The following RBFOX1 variants were observed in gnomAD, a reference collection of about 807,000 sequenced individuals.
RBFOX1 encodes the protein RNA binding fox-1 homolog 1.
A neutral mutation model predicts 57.7 loss-of-function variants in RBFOX1; 8 were observed. The observed-to-expected ratio is 0.14, with a 90% CI of 0.08 to 0.25. The LOEUF (loss-of-function observed/expected upper bound fraction) is 0.25. RBFOX1 is among the 10% of genes least tolerant of loss of function. The pLI is 1.00. For missense variants in RBFOX1, 611 were observed against 548.5 expected (o/e 1.11, Z -1.14); for synonymous variants, 326 against 222.4 (o/e 1.47, Z -4.15).
At chr16:5,889,426 C>T (rs2057989968) in intron 4 of RBFOX1, among the ~76,000 whole-genome samples, 1 of 152,174 alleles carries the variant, frequency 6.6e-6, no homozygotes, top group Non-Finnish European at 1.5e-5. Context: ...CATAGTATTC[C>T]ATGTGTCTGT....
At chr16:7,650,877 C>G (rs988942266) in intron 11 of RBFOX1, among the ~76,000 whole-genome samples, 18 of 152,154 alleles carry the variant, frequency 1.2e-4, no homozygotes, top group Non-Finnish European at 2.2e-4. Context: ...CTCCCCAGTC[C>G]TGAAGCAAGC....
At chr16:7,531,785 T>G (rs1456066692) in intron 5 of RBFOX1, among the ~76,000 whole-genome samples, 2 of 152,234 alleles carry the variant, frequency 1.3e-5, no homozygotes, top group African/African-American at 4.8e-5. Context: ...CTGCTAACTA[T>G]TTCAATTATG....
At chr16:5,996,417 A>T (rs77348755) in intron 4 of RBFOX1, among the ~76,000 whole-genome samples, 2 of 151,302 alleles carry the variant, frequency 1.3e-5, no homozygotes, top group African/African-American at 2.4e-5. Context: ...TGGCTTTGCA[A>T]TCTGGTTGGA....
At chr16:7,081,166 C>A (rs1001716545) in intron 4 of RBFOX1, among the ~76,000 whole-genome samples, 2 of 152,200 alleles carry the variant, frequency 1.3e-5, no homozygotes, top group Admixed American at 1.3e-4. Flanking sequence ...TCCCAAGTAG[C>A]TGAGATTACA....
At chr16:7,009,198 C>T (rs986736585) in intron 3 of RBFOX1, among the ~76,000 whole-genome samples, 2 of 124,086 alleles carry the variant, frequency 1.6e-5, no homozygotes, top group Non-Finnish European at 3.4e-5. Flanking sequence ...TTCTCTCTTC[C>T]TTTCCCTCTT....
intron 3 of RBFOX1, among the ~76,000 whole-genome samples, chr16:6,948,141 A>G (rs1280890373): frequency 6.6e-6 from 1 of 151,986 alleles, no homozygotes; most frequent in Non-Finnish European, 1.5e-5. Flanking sequence ...AAATAGAAAC[A>G]TGCCTTTCAG....
At chr16:6,573,732 A>G (rs1458935319) in intron 2 of RBFOX1, 2 of 152,216 alleles carry the variant, frequency 1.3e-5, no homozygotes, top group Non-Finnish European at 2.9e-5. Context: ...TAGAGAAGGC[A>G]CGGGCGCGAA....
chr16:6,358,218 A>T (rs923603676), intron 2 of RBFOX1, among the ~76,000 whole-genome samples: 1 of 152,200 alleles, frequency 6.6e-6, no homozygotes, highest in Non-Finnish European at 1.5e-5. Flanking sequence ...GAGACTGTGT[A>T]AAAATTAAAT....
chr16:6,211,450 G>C (rs1036531138), intron 1 of RBFOX1, among the ~76,000 whole-genome samples: 1 of 151,942 alleles, frequency 6.6e-6, no homozygotes, highest in Non-Finnish European at 1.5e-5. Flanking sequence ...GGATGGTCTT[G>C]ATCTCCTGAC....
chr16:6,944,426 A>T (rs1481830065), intron 3 of RBFOX1, among the ~76,000 whole-genome samples: 1 of 151,560 alleles, frequency 6.6e-6, no homozygotes, highest in Non-Finnish European at 1.5e-5. Context: ...GAAAGAAAAG[A>T]AAAAAGAAGA....
chr16:5,728,756 C>T (rs8062857), intron 3 of RBFOX1, among the ~76,000 whole-genome samples: 16,024 of 152,146 alleles, frequency 0.11, 2,801 homozygotes, highest in African/African-American at 0.36. Context: ...AGAGGCAGCT[C>T]CATGCAGAGT....
At chr16:5,625,535 G>GTTATGTAT (rs2048324333) in intron 3 of RBFOX1, among the ~76,000 whole-genome samples, 3 of 143,068 alleles carry the variant, frequency 2.1e-5, no homozygotes, top group Non-Finnish European at 4.5e-5. Flanking sequence ...AATATTTTTT[G>GTTATGTAT]TTATTTATTT....
chr16:7,385,922 A>T (rs11866536), intron 4 of RBFOX1, among the ~76,000 whole-genome samples: 1,268 of 17,888 alleles, frequency 0.071, 20 homozygotes, highest in East Asian at 0.36. Context: ...CCAGTTACTT[A>T]TTTATTTATT....
chr16:5,521,027 T>C (rs981060280), intron 2 of RBFOX1, among the ~76,000 whole-genome samples: 1 of 152,168 alleles, frequency 6.6e-6, no homozygotes, highest in Non-Finnish European at 1.5e-5. Context: ...GGACATCTGT[T>C]AGGTTAATAG....
chr16:5,273,300 G>A (rs1214120538), intron 1 of RBFOX1, among the ~76,000 whole-genome samples: 4 of 151,774 alleles, frequency 2.6e-5, no homozygotes, highest in African/African-American at 4.8e-5. Flanking sequence ...AACCTCAAGA[G>A]TCCCATTATA....
intron 1 of RBFOX1, among the ~76,000 whole-genome samples, chr16:6,187,176 A>G (rs759900302): frequency 6.6e-6 from 1 of 152,142 alleles, no homozygotes; most frequent in Non-Finnish European, 1.5e-5. Context: ...CAAAGCCCTG[A>G]TGCTTTCATG....
chr16:6,347,673 C>A (rs2085610965), intron 2 of RBFOX1, among the ~76,000 whole-genome samples: 1 of 152,126 alleles, frequency 6.6e-6, no homozygotes, highest in Admixed American at 6.6e-5. Flanking sequence ...CCCTGTATAT[C>A]AACAATTATT....
chr16:7,564,146 G>A (rs919576796), intron 5 of RBFOX1, among the ~76,000 whole-genome samples: 1 of 152,080 alleles, frequency 6.6e-6, no homozygotes, highest in Non-Finnish European at 1.5e-5. Flanking sequence ...AGGTAATTAG[G>A]TTAATTTAAG....
intron 3 of RBFOX1, among the ~76,000 whole-genome samples, chr16:6,941,405 C>G (rs767073962): frequency 2.0e-5 from 3 of 148,226 alleles, no homozygotes; most frequent in East Asian, 2.0e-4. Context: ...ACTCAGTTTT[C>G]TCATTTGGAA....
Sources: allele counts gnomAD v4.1 joint callset (sites outside exome capture counted in the v4.1 genomes callset), GRCh38; gene constraint gnomAD v4.1.1; transcripts MANE v1.5; gene names NCBI Gene and HGNC (gene_info 2026-07-23, HGNC 2026-07-21).